Variants in KCTD16 observed in about 807,000 individuals in gnomAD.
The protein encoded by KCTD16 is potassium channel tetramerization domain containing 16, also known as BTB/POZ domain-containing protein KCTD16.
A neutral mutation model predicts 33.2 loss-of-function variants in KCTD16; 13 were observed. The ratio of observed to expected loss-of-function variants is 0.39; its 90% CI spans 0.25 to 0.62. The LOEUF (loss-of-function observed/expected upper bound fraction) is 0.62. Ranked by LOEUF, KCTD16 falls within the 20% of genes least tolerant of loss-of-function variation. The pLI, the probability that KCTD16 is intolerant of heterozygous loss-of-function variation, is 0.50. For synonymous variants in KCTD16, 197 were observed against 195.3 expected (o/e 1.01, Z -0.07); for missense variants, 441 against 525.1 (o/e 0.84, Z 1.57).
chr5:144,407,931 A>T (rs1436693325), intron 3 of KCTD16, among the ~76,000 whole-genome samples: 2 of 152,098 alleles, frequency 1.3e-5, no homozygotes, highest in Admixed American at 6.5e-5. Context: ...CATTTTCTTT[A>T]TCCAGTCTAT....
At position 144,250,478 on chromosome 5, in the gene KCTD16, T is replaced by C. The variant is rs927508351; in HGVS notation, c.832+42932T>C. Among the ~76,000 whole-genome samples the C allele has an allele frequency of 2.6e-5, 4 of 152,374 alleles. No homozygotes were observed. The South Asian group carries it at 6.2e-4, about 24-fold the overall frequency. On this transcript the variant is annotated intron_variant, in intron 3 of 3. Transcript: ENST00000512467. ...CATTTTACATTGGAATTCTTTGTTT[T>C]ACTTGCTACACTTCCAGAAACGTTT...
chr5:144,327,050 A>C (rs765317768), intron 3 of KCTD16, among the ~76,000 whole-genome samples: 5 of 152,118 alleles, frequency 3.3e-5, no homozygotes, highest in African/African-American at 4.8e-5. Context: ...TTTGGAACTT[A>C]TTGGTGTGGA....
At chr5:144,234,810 A>G (rs1473359488) in intron 3 of KCTD16, among the ~76,000 whole-genome samples, 4 of 152,058 alleles carry the variant, frequency 2.6e-5, no homozygotes, top group African/African-American at 7.2e-5. Context: ...ATATATGCAT[A>G]TATGTATATA....
chr5:144,301,048 C>T (rs1310235388), intron 3 of KCTD16, among the ~76,000 whole-genome samples: 3 of 151,990 alleles, frequency 2.0e-5, no homozygotes, highest in African/African-American at 7.3e-5. Flanking sequence ...CGAGACCATC[C>T]AGGCCAACAC....
At chr5:144,174,032 A>G (rs1168684489) in intron 1 of KCTD16, among the ~76,000 whole-genome samples, 1 of 152,076 alleles carries the variant, frequency 6.6e-6, no homozygotes, top group Non-Finnish European at 1.5e-5. Context: ...TATTAGGAGT[A>G]GAAAGCCTCA....
intron 3 of KCTD16, among the ~76,000 whole-genome samples, chr5:144,302,883 T>A (rs1751481525): frequency 6.6e-6 from 1 of 152,212 alleles, no homozygotes; most frequent in Non-Finnish European, 1.5e-5. Context: ...TTGTTCTGTC[T>A]CTTTAAACTT....
chr5:144,260,331 A>G (rs1465392651), intron 3 of KCTD16, among the ~76,000 whole-genome samples: 1 of 152,210 alleles, frequency 6.6e-6, no homozygotes, highest in Non-Finnish European at 1.5e-5. Context: ...TAAACTCTGC[A>G]TGGCCTCTGA....
intron 3 of KCTD16, among the ~76,000 whole-genome samples, chr5:144,387,097 G>T (rs1424071292): frequency 1.3e-5 from 2 of 151,050 alleles, no homozygotes; most frequent in African/African-American, 2.4e-5. Flanking sequence ...TTCCCAAGTA[G>T]CTGTGACTAC....
intron 3 of KCTD16, among the ~76,000 whole-genome samples, chr5:144,423,929 T>C (rs1753266288): frequency 6.6e-6 from 1 of 152,080 alleles, no homozygotes; most frequent in African/African-American, 2.4e-5. Flanking sequence ...TAATGACAGC[T>C]GATGAGCTGA....
At chr5:144,234,505 T>C (rs1041940872) in intron 3 of KCTD16, among the ~76,000 whole-genome samples, 2 of 152,138 alleles carry the variant, frequency 1.3e-5, no homozygotes, top group Non-Finnish European at 2.9e-5. Flanking sequence ...ACTCAAATGC[T>C]GAACAAGTGA....
At position 144,207,127 on chromosome 5, in the gene KCTD16, A is replaced by G. The variant is rs751384415; in HGVS notation, c.413A>G (p.Asp138Gly). The change falls in exon 3 of 4, where the codon GAC (aspartate) becomes GGC (glycine). Residue 138 changes from aspartate (D) to glycine (G), a missense_variant. Asp to Gly is a moderately conservative substitution (Grantham distance 94). Transcript: ENST00000512467. ...AGCCCAGATGAATTCTGCCACAGTG[A>G]CTTTGAAGATGCCTCCCAAGGAAGC... ...KQSPDEFCHS[D>G]FEDASQGSDT... The G allele has an allele frequency of 6.2e-7, 1 of 1,610,788 alleles. No homozygotes were observed. Among genetic ancestry groups the G allele is most frequent in the South Asian group, 1.1e-5 (1 of 90,514 alleles).
intron 2 of KCTD16, among the ~76,000 whole-genome samples, chr5:144,188,458 C>CT (rs1262532478): frequency 2.0e-5 from 3 of 152,194 alleles, no homozygotes; most frequent in Non-Finnish European, 2.9e-5. Flanking sequence ...CATCCTAACT[C>CT]TTTTCTTTAA....
chr5:144,308,853 C>CT (rs5871875), intron 3 of KCTD16, among the ~76,000 whole-genome samples: 20 of 149,046 alleles, frequency 1.3e-4, no homozygotes, highest in Non-Finnish European at 1.8e-4. Flanking sequence ...CTCCCTCCCA[C>CT]TTTTTTTTTT....
At chr5:144,173,057 G>A (rs1420208757) in intron 1 of KCTD16, among the ~76,000 whole-genome samples, 1 of 152,200 alleles carries the variant, frequency 6.6e-6, no homozygotes, top group Non-Finnish European at 1.5e-5. Flanking sequence ...CAGCCATTAT[G>A]GAGGACAGTG....
intron 3 of KCTD16, among the ~76,000 whole-genome samples, chr5:144,224,211 T>A (rs1486712908): frequency 6.6e-6 from 1 of 151,544 alleles, no homozygotes; most frequent in East Asian, 1.9e-4. Context: ...CACTTTACAT[T>A]TTTTTTTATA....
chr5:144,194,143 T>A (rs1752896523), intron 2 of KCTD16, among the ~76,000 whole-genome samples: 1 of 151,886 alleles, frequency 6.6e-6, no homozygotes. Flanking sequence ...CAAGGGGGAA[T>A]ATTTAGGAAG....
chr5:144,182,900 ATT>A (rs1201281912), intron 2 of KCTD16, among the ~76,000 whole-genome samples: 2 of 152,082 alleles, frequency 1.3e-5, no homozygotes, highest in Non-Finnish European at 2.9e-5. Flanking sequence ...CTTTGTTATT[ATT>A]GTTTGTTGTT....
intron 3 of KCTD16, among the ~76,000 whole-genome samples, chr5:144,362,727 G>C (rs1751741528): frequency 6.6e-6 from 1 of 152,172 alleles, no homozygotes; most frequent in Non-Finnish European, 1.5e-5. Flanking sequence ...GGATGTGGTT[G>C]TCATAATTGA....
chr5:144,424,681 C>T (rs1753284244), intron 3 of KCTD16, among the ~76,000 whole-genome samples: 1 of 152,048 alleles, frequency 6.6e-6, no homozygotes, highest in Non-Finnish European at 1.5e-5. Flanking sequence ...AGGATGATTC[C>T]ATGGCAAAAG....
Sources: gnomAD v4.1 joint callset for allele counts (sites outside exome capture counted in the v4.1 genomes callset) on GRCh38, gnomAD v4.1.1 for gene constraint, MANE v1.5 for transcripts, NCBI Gene and HGNC (gene_info 2026-07-23, HGNC 2026-07-21) for gene names.